DCAF8: variants seen among roughly 807,000 people sequenced by gnomAD.
DCAF8 encodes DDB1 and CUL4 associated factor 8.
DCAF8 carries 20 observed loss-of-function variants against 68.0 expected under a neutral mutation model. The ratio of observed to expected loss-of-function variants is 0.29; its 90% CI spans 0.21 to 0.43. The LOEUF (loss-of-function observed/expected upper bound fraction) is 0.43. Among genes scored for constraint, DCAF8 ranks in the 20% least tolerant of loss-of-function variants. DCAF8 has a pLI of 1.00. For missense variants in DCAF8, 460 were observed against 771.0 expected (o/e 0.60, Z 4.78); for synonymous variants, 230 against 276.9 (o/e 0.83, Z 1.68).
intron 2 of DCAF8, among the ~76,000 whole-genome samples, chr1:160,259,819 T>A (rs1289608581): frequency 6.6e-6 from 1 of 152,064 alleles, no homozygotes; most frequent in Non-Finnish European, 1.5e-5. Context: ...AAGGAACCAA[T>A]GAACAAAAAA....
chr1:160,252,050 C>T (rs1201924354), intron 2 of DCAF8, among the ~76,000 whole-genome samples: 1 of 152,174 alleles, frequency 6.6e-6, no homozygotes, highest in Non-Finnish European at 1.5e-5. Flanking sequence ...TGCAGAGAGA[C>T]TCTAGCAGGT....
In DCAF8 at chr1:160,262,479, C is replaced by G. The variant is rs376238711; in HGVS notation, c.-131G>C. ...CCAGCGGCCGCCACCACCACCGCCT[C>G]CGCTCTCTGCGCTTGCGCCTGCGCT... On this transcript the variant is annotated 5_prime_UTR_variant, in exon 1 of 14. Coordinates refer to ENST00000368074, the MANE Select transcript of DCAF8 (RefSeq NM_015726.4). 3.5e-5 allele frequency: 14 copies of G among 401,016 alleles called. No homozygotes were observed. The highest frequency in any genetic ancestry group is 5.3e-5 in the Non-Finnish European group (12 of 227,594). 24.8% of individuals were successfully genotyped at this position (401,016 alleles called of 1,614,324 possible). A position where few individuals can be genotyped will look rare whatever the true frequency, so the allele number is the denominator to read the frequency against.
At chr1:160,253,995 A>G (rs1448659837) in intron 2 of DCAF8, among the ~76,000 whole-genome samples, 1 of 152,204 alleles carries the variant, frequency 6.6e-6, no homozygotes, top group African/African-American at 2.4e-5. Flanking sequence ...AAGAATCATA[A>G]AACACTAGGA....
rs60453098 is a variant in DCAF8, at chr1:160,236,263, A to AC, written c.959+871_959+872insG. ...ACATTATGCTGAGGCATCACACACAAACACACACACACATACATACACGTA... is the reference window on the plus strand; with the variant it reads ...ACATTATGCTGAGGCATCACACACAACACACACACACACATACATACACGTA... On this transcript the variant is annotated intron_variant, in intron 6 of 13. Transcript: ENST00000368074. Among the ~76,000 whole-genome samples the AC allele has an allele frequency of 6.1e-3, 884 of 144,430 alleles. 5 individuals are homozygous for AC. The highest frequency in any genetic ancestry group is 0.017 in the African/African-American group (632 of 37,908). 94.8% of individuals were successfully genotyped at this position (144,430 alleles called of 152,430 possible).
intron 9 of DCAF8, 66 bp downstream of exon 9, chr1:160,224,996 A>G: frequency 6.6e-7 from 1 of 1,511,880 alleles, no homozygotes; most frequent in Non-Finnish European, 9.2e-7. Flanking sequence ...CACATGCCTC[A>G]CTGGCTCAGC....
Position 160,225,057 on chromosome 1 carries a change from C to T in DCAF8, c.1201+5G>A. On this transcript the variant is annotated splice_donor_5th_base_variant and intron_variant, in intron 9 of 13. Coordinates refer to ENST00000368074, the MANE Select transcript of DCAF8 (RefSeq NM_015726.4). ...CAGCCTAGGAGCTGGGCCCTGCTCA[C>T]GTACCTGTGCCGTCGTGGCTGTACA... 2 of 1,614,162 alleles carry T rather than the reference C, an allele frequency of 1.2e-6. No homozygotes were observed. Among genetic ancestry groups the T allele is most frequent in the Non-Finnish European group, 1.7e-6 (2 of 1,179,988 alleles).
intron 2 of DCAF8, among the ~76,000 whole-genome samples, chr1:160,250,604 T>C (rs1656549081): frequency 6.6e-6 from 1 of 151,924 alleles, no homozygotes; most frequent in African/African-American, 2.4e-5. Flanking sequence ...ATGGTCAATA[T>C]ATCATAGCAA....
intron 10 of DCAF8, 142 bp from the exon 11 acceptor site, chr1:160,222,923 C>T (rs1005510441): frequency 4.3e-5 from 53 of 1,233,686 alleles, no homozygotes; most frequent in Non-Finnish European, 5.1e-5. Flanking sequence ...GGAATCACAC[C>T]AGTCCCAAGA....
At chr1:160,259,654 T>TA (rs1443521435) in intron 2 of DCAF8, among the ~76,000 whole-genome samples, 2 of 152,162 alleles carry the variant, frequency 1.3e-5, no homozygotes, top group Admixed American at 6.5e-5. Context: ...GATCACTGTA[T>TA]AGCCCAACAA....
chr1:160,235,469 A>G (rs974725210), intron 6 of DCAF8, among the ~76,000 whole-genome samples: 2 of 151,928 alleles, frequency 1.3e-5, no homozygotes, highest in Non-Finnish European at 2.9e-5. Context: ...AACGATCTAG[A>G]TATCTATCAA....
At chr1:160,248,499 G>A (rs1656449715) in intron 2 of DCAF8, among the ~76,000 whole-genome samples, 1 of 151,934 alleles carries the variant, frequency 6.6e-6, no homozygotes. Context: ...ACTTTGGGAG[G>A]CCGAGGTGGG....
Position 160,254,478 on chromosome 1 carries a change from T to A in DCAF8, c.-27+6807A>T, listed in dbSNP as rs145143292. Among the ~76,000 whole-genome samples the A allele has an allele frequency of 2.6e-5, 4 of 151,866 alleles. No homozygotes were observed. In the East Asian group the frequency reaches 7.7e-4, roughly 29 times the overall value. On this transcript the variant is annotated intron_variant, in intron 2 of 13. Transcript: ENST00000368074. ...TATTTAATTCTACCTTTCAGCTTCA[T>A]CTCTTGGCTTTGAAAAGCCCTGGTT...
intron 2 of DCAF8, among the ~76,000 whole-genome samples, chr1:160,260,529 C>T (rs1657043165): frequency 6.6e-6 from 1 of 152,236 alleles, no homozygotes; most frequent in Admixed American, 6.5e-5. Flanking sequence ...AGTCACTTAG[C>T]TTTTCTGTCA....
chr1:160,259,353 T>G (rs965634530), intron 2 of DCAF8, among the ~76,000 whole-genome samples: 1 of 152,074 alleles, frequency 6.6e-6, no homozygotes, highest in Non-Finnish European at 1.5e-5. Context: ...GCCAACATGG[T>G]GAAACCCCTC....
At chr1:160,243,288 AAAGG>A (rs749045507) in intron 3 of DCAF8, among the ~76,000 whole-genome samples, 19 of 151,988 alleles carry the variant, frequency 1.3e-4, no homozygotes, top group African/African-American at 4.6e-4. Flanking sequence ...AGGAGGAGGG[AAAGG>A]AAGGAAGGAA....
intron 2 of DCAF8, among the ~76,000 whole-genome samples, chr1:160,247,325 A>C (rs958113211): frequency 6.6e-6 from 1 of 152,266 alleles, no homozygotes. Flanking sequence ...AATTTCACTA[A>C]GAAATTCCAG....
intron 11 of DCAF8, among the ~76,000 whole-genome samples, 183 bp downstream of exon 11, chr1:160,222,468 G>C (rs1483408289): frequency 6.6e-6 from 1 of 152,298 alleles, no homozygotes; most frequent in African/African-American, 2.4e-5. Flanking sequence ...ACAGAAGATA[G>C]GAACAGGAAG....
chr1:160,252,046 GAGACTCTAGCAGGT>G (rs1428195697), intron 2 of DCAF8, among the ~76,000 whole-genome samples: 3 of 152,168 alleles, frequency 2.0e-5, no homozygotes, highest in African/African-American at 4.8e-5. Context: ...CAACTGCAGA[GAGACTCTAGCAGGT>G]AGACTCTAGC....
intron 2 of DCAF8, among the ~76,000 whole-genome samples, chr1:160,259,665 G>A (rs1656988245): frequency 6.6e-6 from 1 of 152,098 alleles, no homozygotes; most frequent in African/African-American, 2.4e-5. Flanking sequence ...AGCCCAACAA[G>A]AAGGAAAAAA....
Sources: gnomAD v4.1 joint callset for allele counts (sites outside exome capture counted in the v4.1 genomes callset) on GRCh38, gnomAD v4.1.1 for gene constraint, MANE v1.5 for transcripts, NCBI Gene and HGNC (gene_info 2026-07-23, HGNC 2026-07-21) for gene names.